BPIFB2: variants seen among roughly 807,000 people sequenced by gnomAD.
BPIFB2 encodes the protein BPI fold-containing family B member 2.
In BPIFB2, 39 loss-of-function variants were observed where a neutral mutation model predicts 50.1. The ratio of observed to expected loss-of-function variants is 0.78; its 90% CI spans 0.60 to 1.02. The LOEUF (loss-of-function observed/expected upper bound fraction) is 1.02. Among genes scored for constraint, BPIFB2 ranks in the 50% least tolerant of loss-of-function variants. The pLI, the probability that BPIFB2 is intolerant of heterozygous loss-of-function variation, is 0.00. For synonymous variants in BPIFB2, 280 were observed against 256.3 expected (o/e 1.09, Z -0.88); for missense variants, 574 against 585.8 (o/e 0.98, Z 0.21).
At chr20:33,021,169 C>A in intron 13 of BPIFB2, 112 bp from the exon 14 acceptor site, 1 of 1,184,374 alleles carries the variant, frequency 8.4e-7, no homozygotes, top group Non-Finnish European at 1.2e-6. Context: ...CAGCCTCTGC[C>A]ATCCATCTGT....
intron 1 of BPIFB2, 45 bp from the exon 2 acceptor site, chr20:33,008,496 G>C (rs1600509377): frequency 1.6e-6 from 2 of 1,239,662 alleles, no homozygotes; most frequent in Non-Finnish European, 2.2e-6. Flanking sequence ...TGGCTCAGGG[G>C]TGGGCTGTTT....
Position 33,008,599 on chromosome 20 carries a change from C to T in BPIFB2, c.25C>T (p.Leu9=). The T allele has an allele frequency of 1.2e-6, 2 of 1,602,568 alleles. No homozygotes were observed. The highest frequency in any genetic ancestry group is 2.3e-5 in the South Asian group (2 of 88,794). Residue 9 remains leucine, a synonymous_variant, in exon 2 of 16, where the codon CTG becomes TTG. Coordinates refer to ENST00000170150, the MANE Select transcript of BPIFB2 (RefSeq NM_025227.3). ...CATGGCTTGGGCAAGTAGGCTGGGC[C>T]TGCTGCTGGCACTGCTGCTGCCCGT... MAWASRLG[L]LLALLLPVVG... is the part of the protein sequence containing the mutation.
chr20:33,010,930 C>A, intron 2 of BPIFB2, 94 bp from the exon 3 acceptor site: 1 of 1,103,216 alleles, frequency 9.1e-7, no homozygotes, highest in Non-Finnish European at 1.4e-6. Flanking sequence ...TGAGTACCCT[C>A]TGCCCAAGGT....
At position 33,008,527 on chromosome 20, in the gene BPIFB2, C is replaced by A; in HGVS notation, c.-34-14C>A. 1 of 1,492,256 alleles carries A rather than the reference C, an allele frequency of 6.7e-7. No homozygotes were observed. 92.4% of individuals were successfully genotyped at this position (1,492,256 alleles called of 1,614,324 possible). On this transcript the variant is annotated splice_polypyrimidine_tract_variant and intron_variant, in intron 1 of 15. Transcript: ENST00000170150. ...TGTTTTGGCTGAGCTCCCTGATGCT[C>A]ATTTCTACCCCAGCCCACAGATCCT...
intron 7 of BPIFB2, among the ~76,000 whole-genome samples, chr20:33,018,013 A>G (rs1978498625): frequency 6.6e-6 from 1 of 152,186 alleles, no homozygotes; most frequent in Non-Finnish European, 1.5e-5. Context: ...GGGAAAGCAG[A>G]AAGCATACCT....
Position 33,015,617 on chromosome 20 carries a change from G to T in BPIFB2, c.516+121G>T, listed in dbSNP as rs1235862445. 6.5e-5 allele frequency: 52 copies of T among 805,358 alleles called. No individual in the cohort carries two copies. The East Asian group carries it at 1.3e-3, about 20-fold the overall frequency. The allele number at this position is 805,358 out of a possible 1,614,324, so 49.9% of individuals were successfully genotyped here. On this transcript the variant is annotated intron_variant, in intron 6 of 15. Coordinates refer to ENST00000170150, the MANE Select transcript of BPIFB2 (RefSeq NM_025227.3). ...TTGGGATTAAAAAAAAAAAAAAGAC[G>T]CCCCTTCATGGTCCCCATGAAGGCA... is the stretch of plus-strand genomic sequence containing the variant.
At chr20:33,018,149 T>C in intron 7 of BPIFB2, 110 bp from the exon 8 acceptor site, 1 of 837,130 alleles carries the variant, frequency 1.2e-6, no homozygotes, top group Non-Finnish European at 1.8e-6. Flanking sequence ...GTGGCCTGGC[T>C]CTGGCTAATC....
intron 2 of BPIFB2, 87 bp from the exon 3 acceptor site, chr20:33,010,937 A>C: frequency 8.6e-7 from 1 of 1,157,848 alleles, no homozygotes; most frequent in Non-Finnish European, 1.3e-6. Flanking sequence ...CCTCTGCCCA[A>C]GGTGCAGGGT....
At chr20:33,017,175 C>T (rs1978463674) in intron 7 of BPIFB2, 73 bp downstream of exon 7, 2 of 1,432,768 alleles carry the variant, frequency 1.4e-6, no homozygotes. Flanking sequence ...CCTCCAAAGG[C>T]TCCACTCTGG....
intron 15 of BPIFB2, 118 bp from the exon 16 acceptor site, chr20:33,023,224 C>T (rs1978741983): frequency 9.8e-7 from 1 of 1,016,596 alleles, no homozygotes; most frequent in Non-Finnish European, 1.5e-6. Context: ...AGGCAAAGGA[C>T]TCTCCTCACA....
intron 13 of BPIFB2, 29 bp downstream of exon 13, chr20:33,020,616 C>A (rs368709800): frequency 8.2e-6 from 13 of 1,582,246 alleles, no homozygotes; most frequent in African/African-American, 1.3e-5. Flanking sequence ...CCTCTAGAAA[C>A]CCCCGTCCTG....
chr20:33,010,980 G>C (rs1162018299), intron 2 of BPIFB2, 44 bp from the exon 3 acceptor site: 1 of 1,541,402 alleles, frequency 6.5e-7, no homozygotes, highest in South Asian at 1.1e-5. Context: ...GCTACTTGGT[G>C]GTTCCCGAGG....
chr20:33,015,438 C>G lies in BPIFB2; in HGVS notation c.458C>G (p.Thr153Ser). The G allele has an allele frequency of 6.2e-7, 1 of 1,612,900 alleles. No individual in the cohort carries two copies. Among genetic ancestry groups the G allele is most frequent in the Non-Finnish European group, 8.5e-7 (1 of 1,179,500 alleles). ...CTCTTTCTGTGTTTCTCCCTCAGCA[C>G]CTCCCACGCGCTGCTGGTCCTGGTG... ...HANEFDGSNS[T>S]SHALLVLVQK... The change falls in exon 6 of 16, where the codon ACC becomes AGC. Residue 153 changes from threonine (T) to serine (S), a missense_variant and splice_region_variant. Transcript: ENST00000170150.
intron 11 of BPIFB2, 50 bp from the exon 12 acceptor site, chr20:33,020,277 GC>G (rs768891160): frequency 3.2e-6 from 5 of 1,567,024 alleles, no homozygotes; most frequent in African/African-American, 2.7e-5. Context: ...GGTGGCTGGT[GC>G]CCCCCTCATG....
At chr20:33,020,510 C>A in intron 12 of BPIFB2, 32 bp from the exon 13 acceptor site, 1 of 1,601,726 alleles carries the variant, frequency 6.2e-7, no homozygotes, top group Non-Finnish European at 8.5e-7. Flanking sequence ...AGGTGCCAGA[C>A]CCTGTCCTGA....
chr20:33,017,613 A>G (rs1600514158), intron 7 of BPIFB2, among the ~76,000 whole-genome samples: 1 of 152,294 alleles, frequency 6.6e-6, no homozygotes, highest in East Asian at 1.9e-4. Flanking sequence ...CTGTTAGGGA[A>G]GCTGGACTTC....
chr20:33,022,670 C>T lies in BPIFB2; in HGVS notation c.1336-672C>T, dbSNP rs528172781. 2.6e-5 allele frequency among the ~76,000 whole-genome samples: 4 copies of T among 152,346 alleles called. No homozygotes were observed. The East Asian group carries it at 7.7e-4, about 29-fold the overall frequency. ...CAGCAGCCATGATAAGCCACAGGTA[C>T]ATGTGGCTACTGAGCACTGAAATGT... is the stretch of plus-strand genomic sequence containing the variant. On this transcript the variant is annotated intron_variant, in intron 15 of 15. Transcript: ENST00000170150.
At position 33,018,816 on chromosome 20, in the gene BPIFB2, G is replaced by T; in HGVS notation, c.849G>T (p.Gly283=). 1 of 1,611,436 alleles carries T rather than the reference G, an allele frequency of 6.2e-7. No homozygotes were observed. Among genetic ancestry groups the T allele is most frequent in the Non-Finnish European group, 8.5e-7 (1 of 1,178,906 alleles). The change falls in exon 9 of 16, where the codon GGG becomes GGT. Residue 283 remains glycine (G), a synonymous_variant. Coordinates refer to ENST00000170150, the MANE Select transcript of BPIFB2 (RefSeq NM_025227.3). ...GTGCCCTCAACCTGGACATCACAGGGCAGCTGGTGAGGGCCCGACCTGCAG... is the reference window on the plus strand; with the variant it reads ...GTGCCCTCAACCTGGACATCACAGGTCAGCTGGTGAGGGCCCGACCTGCAG... The part of the protein sequence containing the change: ...KAGALNLDIT[G]QLRSDDNLLN...
chr20:33,015,599 T>TCAA, intron 6 of BPIFB2, 103 bp downstream of exon 6: 1 of 766,798 alleles, frequency 1.3e-6, no homozygotes, highest in Non-Finnish European at 1.9e-6. Context: ...TGCTTGGGAT[T>TCAA]AAAAAAAAAA....
Sources: allele counts gnomAD v4.1 joint callset (sites outside exome capture counted in the v4.1 genomes callset), GRCh38; gene constraint gnomAD v4.1.1; transcripts MANE v1.5; gene names NCBI Gene and HGNC (gene_info 2026-07-23, HGNC 2026-07-21).